The following PATJ variants were observed in gnomAD, a reference collection of about 807,000 sequenced individuals.
PATJ encodes inaD-like protein.
Under a neutral mutation model 224.9 loss-of-function variants are expected in PATJ, and 190 were observed. The observed-to-expected ratio is 0.84, with a 90% confidence interval of 0.75 to 0.95. PATJ has a LOEUF of 0.95. PATJ is among the 40% of genes least tolerant of loss of function. The probability of loss-of-function intolerance (pLI) is 0.00; values close to 1 mark genes in which losing one functional copy is unlikely to be tolerated. For missense variants in PATJ, 2,121 were observed against 2,270.3 expected, an observed-to-expected ratio of 0.93 and a Z score of 1.34; for synonymous variants, 769 against 820.3, an observed-to-expected ratio of 0.94 and a Z score of 1.07.
intron 41 of PATJ, among the ~76,000 whole-genome samples, chr1:62,129,528 A>G (rs1177344106): frequency 1.3e-5 from 2 of 152,258 alleles, no homozygotes; most frequent in African/African-American, 4.8e-5. Flanking sequence ...TTAGCCCTTC[A>G]GATGTCTCTG....
chr1:62,156,666 A>G (rs562457086), intron 43 of PATJ, among the ~76,000 whole-genome samples: 69 of 152,198 alleles, frequency 4.5e-4, no homozygotes, highest in African/African-American at 1.6e-3. Flanking sequence ...CTGTAATCCC[A>G]GCACCTTGGG....
intron 41 of PATJ, among the ~76,000 whole-genome samples, chr1:62,136,693 CTG>C (rs1301172971): frequency 1.1e-4 from 13 of 113,770 alleles, no homozygotes; most frequent in African/African-American, 2.3e-4. Context: ...GTGTGTGTGT[CTG>C]TGTGTGTGTG....
intron 9 of PATJ, among the ~76,000 whole-genome samples, chr1:61,794,198 G>A (rs562958686): frequency 2.2e-4 from 33 of 151,912 alleles, no homozygotes; most frequent in African/African-American, 6.8e-4. Context: ...CACTGTGCCC[G>A]GACTTTTTTT....
intron 38 of PATJ, among the ~76,000 whole-genome samples, chr1:62,122,086 CG>C (rs1665128259): frequency 6.6e-6 from 1 of 152,096 alleles, no homozygotes; most frequent in African/African-American, 2.4e-5. Context: ...ATGACTCAGC[CG>C]GGCCCGGTGG....
chr1:61,829,049 A>G (rs1658840504), intron 16 of PATJ, among the ~76,000 whole-genome samples: 1 of 152,180 alleles, frequency 6.6e-6, no homozygotes. Flanking sequence ...ACAGTCGGCT[A>G]TGGCTGTTTG....
In PATJ at chr1:61,821,129, C is replaced by A. The variant is rs147932757; in HGVS notation, c.1684-1816C>A. 5.8e-3 allele frequency among the ~76,000 whole-genome samples: 878 copies of A among 152,038 alleles called. 12 individuals are homozygous for A. The highest frequency in any genetic ancestry group is 0.02 in the African/African-American group (838 of 41,454). Reference sequence around the variant, plus strand: ...AACCTCAGCTCACTGCAAGCTCCACCTCCCGGGTTTACTTATGCCATTCTC... The same window carrying A: ...AACCTCAGCTCACTGCAAGCTCCACATCCCGGGTTTACTTATGCCATTCTC... On this transcript the variant is annotated intron_variant, in intron 14 of 43. Coordinates refer to ENST00000642238, the MANE Select transcript of PATJ (RefSeq NM_001350145.3).
At chr1:62,034,486 A>G (rs3762449) in intron 29 of PATJ, among the ~76,000 whole-genome samples, 22,900 of 150,458 alleles carry the variant, frequency 0.15, 1,915 homozygotes, top group Middle Eastern at 0.26. Flanking sequence ...GCAAACAGAT[A>G]TCATTACTTA....
chr1:61,892,935 T>C (rs1301749583), intron 22 of PATJ, among the ~76,000 whole-genome samples: 3 of 152,224 alleles, frequency 2.0e-5, no homozygotes, highest in African/African-American at 7.2e-5. Flanking sequence ...GATTGAGCTA[T>C]TGATCATACT....
At chr1:61,952,035 C>T (rs190419917) in intron 27 of PATJ, 43 of 252,016 alleles carry the variant, frequency 1.7e-4, no homozygotes, top group East Asian at 5.8e-4. Context: ...TATCCTGAGG[C>T]GAGCAGGGTA....
At chr1:62,098,276 G>A (rs576548216) in intron 33 of PATJ, among the ~76,000 whole-genome samples, 5 of 150,498 alleles carry the variant, frequency 3.3e-5, no homozygotes, top group South Asian at 4.2e-4. Context: ...GGAGAATGGC[G>A]TGAACCTGGG....
At chr1:62,052,756 A>T (rs545176214) in intron 31 of PATJ, among the ~76,000 whole-genome samples, 1 of 152,128 alleles carries the variant, frequency 6.6e-6, no homozygotes, top group South Asian at 2.1e-4. Flanking sequence ...AAAAAAAAAA[A>T]AGAAAAAAGA....
At chr1:61,913,498 A>G (rs1371312638) in intron 25 of PATJ, among the ~76,000 whole-genome samples, 2 of 152,164 alleles carry the variant, frequency 1.3e-5, no homozygotes, top group East Asian at 1.9e-4. Flanking sequence ...ATGAGCCACT[A>G]TACTTGGTCT....
intron 7 of PATJ, among the ~76,000 whole-genome samples, chr1:61,783,415 TTTC>T (rs1647760118): frequency 6.8e-6 from 1 of 147,996 alleles, no homozygotes; most frequent in Non-Finnish European, 1.5e-5. Context: ...TTTCCTTTCT[TTTC>T]TTTTCTTTTT....
At chr1:61,774,699 A>G (rs758781516) in intron 6 of PATJ, among the ~76,000 whole-genome samples, 3 of 151,936 alleles carry the variant, frequency 2.0e-5, no homozygotes, top group Non-Finnish European at 4.4e-5. Flanking sequence ...TTGCCCTTAT[A>G]TTTTCTTTTT....
At position 62,079,485 on chromosome 1, in the gene PATJ, A is replaced by G. The variant is rs771348804; in HGVS notation, c.4161A>G (p.Thr1387=). 1.2e-6 allele frequency: 2 copies of G among 1,613,972 alleles called. No individual in the cohort carries two copies. The highest frequency in any genetic ancestry group is 1.7e-6 in the Non-Finnish European group (2 of 1,179,856). ...VSQMKQQKYP[T]KVSFSSQEIP... ...AGATGAAACAGCAAAAATATCCAACAAAAGTCTCCTTCAGTTCACAAGAGA... is the reference window on the plus strand; with the variant it reads ...AGATGAAACAGCAAAAATATCCAACGAAAGTCTCCTTCAGTTCACAAGAGA... Residue 1387 remains threonine (T), a synonymous_variant, in exon 32 of 44, where the codon ACA becomes ACG. Transcript: ENST00000642238.
At chr1:61,769,204 A>G (rs1646461829) in intron 4 of PATJ, 79 bp from the exon 5 acceptor site, 4 of 1,429,318 alleles carry the variant, frequency 2.8e-6, no homozygotes, top group Non-Finnish European at 3.8e-6. Context: ...CTTTTATGCT[A>G]AGCAATTTCA....
At chr1:61,898,631 G>A (rs1429123038) in intron 22 of PATJ, among the ~76,000 whole-genome samples, 1 of 152,044 alleles carries the variant, frequency 6.6e-6, no homozygotes, top group Non-Finnish European at 1.5e-5. Context: ...TCATTTAGCG[G>A]TCCAAAGCCA....
chr1:61,764,765 C>T (rs1025899787), intron 3 of PATJ, among the ~76,000 whole-genome samples: 3 of 152,056 alleles, frequency 2.0e-5, no homozygotes, highest in Non-Finnish European at 4.4e-5. Context: ...TTTCTTTAGA[C>T]CAGAATTTAT....
At chr1:61,942,549 G>A (rs1188720483) in intron 27 of PATJ, among the ~76,000 whole-genome samples, 1 of 150,572 alleles carries the variant, frequency 6.6e-6, no homozygotes, top group East Asian at 1.9e-4. Flanking sequence ...CAGTTTGGCA[G>A]TTTCTTTTTT....
Sources: gnomAD v4.1 joint callset for allele counts (sites outside exome capture counted in the v4.1 genomes callset) on GRCh38, gnomAD v4.1.1 for gene constraint, MANE v1.5 for transcripts, NCBI Gene and HGNC (gene_info 2026-07-23, HGNC 2026-07-21) for gene names.